The following ENPP2 variants were observed in gnomAD, a reference collection of about 807,000 sequenced individuals.
ENPP2 encodes the protein ectonucleotide pyrophosphatase/phosphodiesterase 2.
A neutral mutation model predicts 120.2 loss-of-function variants in ENPP2; 51 were observed. The ratio of observed to expected loss-of-function variants is 0.42; its 90% confidence interval spans 0.34 to 0.54. The LOEUF is 0.54. Among genes scored for constraint, ENPP2 ranks in the 20% least tolerant of loss-of-function variants. The pLI, the probability that ENPP2 is intolerant of heterozygous loss-of-function variation, is 0.04. For missense variants in ENPP2, 920 were observed against 1,066.5 expected (o/e 0.86, Z 1.91); for synonymous variants, 365 against 366.4 (o/e 1.00, Z 0.04).
At chr8:119,662,507 C>T (rs1185475633) in intron 1 of ENPP2, among the ~76,000 whole-genome samples, 1 of 152,154 alleles carries the variant, frequency 6.6e-6, no homozygotes, top group Admixed American at 6.5e-5. Flanking sequence ...AGGGGTGGGG[C>T]TCAGCAGCAG....
intron 18 of ENPP2, 54 bp from the exon 19 acceptor site, chr8:119,580,221 T>A: frequency 7.1e-7 from 1 of 1,416,116 alleles, no homozygotes; most frequent in Non-Finnish European, 1.0e-6. Flanking sequence ...GAAATGTTCT[T>A]TCCCTCTGTG....
intron 12 of ENPP2, chr8:119,592,972 A>G: frequency 1.0e-6 from 1 of 982,580 alleles, no homozygotes; most frequent in Non-Finnish European, 1.2e-6. Context: ...CATCCTCCGA[A>G]CTCCACTAGA....
chr8:119,598,448 A>G (rs190304612), intron 11 of ENPP2, among the ~76,000 whole-genome samples: 5 of 152,322 alleles, frequency 3.3e-5, no homozygotes, highest in Admixed American at 6.5e-5. Context: ...TATATTTGTG[A>G]GCAACCCTGG....
chr8:119,575,982 C>T (rs1812307083), intron 19 of ENPP2, among the ~76,000 whole-genome samples: 1 of 152,152 alleles, frequency 6.6e-6, no homozygotes, highest in Non-Finnish European at 1.5e-5. Context: ...GGAGTGAATG[C>T]TATCTCCTTC....
At chr8:119,667,616 A>G (rs1428567992) in intron 1 of ENPP2, among the ~76,000 whole-genome samples, 1 of 152,182 alleles carries the variant, frequency 6.6e-6, no homozygotes, top group African/African-American at 2.4e-5. Context: ...TTTTGAATTA[A>G]TCCACTCTTG....
chr8:119,560,334 T>C (rs902733561), intron 24 of ENPP2, among the ~76,000 whole-genome samples: 2 of 152,192 alleles, frequency 1.3e-5, no homozygotes, highest in Non-Finnish European at 2.9e-5. Context: ...TACGGAGGCA[T>C]TACATCCACC....
In ENPP2 at chr8:119,580,187, T is replaced by C; in HGVS notation, c.1729-20A>G. ...CTTGTTCTTCATGTGTGAAAACCAGTAAAGGAAAAAAGAAAGCAAATCAGA... is the reference window on the plus strand; with the variant it reads ...CTTGTTCTTCATGTGTGAAAACCAGCAAAGGAAAAAAGAAAGCAAATCAGA... On this transcript the variant is annotated intron_variant, in intron 18 of 24. Coordinates refer to ENST00000075322, the MANE Select transcript of ENPP2 (RefSeq NM_001040092.3). 1 of 1,603,602 alleles carries C rather than the reference T, an allele frequency of 6.2e-7. No homozygotes were observed. The highest frequency in any genetic ancestry group is 8.5e-7 in the Non-Finnish European group (1 of 1,170,560).
In ENPP2 at chr8:119,564,858, A is replaced by G. The variant is rs770990409; in HGVS notation, c.2229T>C (p.Tyr743=). 1 of 1,613,740 alleles carries G rather than the reference A, an allele frequency of 6.2e-7. No individual in the cohort carries two copies. Among genetic ancestry groups the G allele is most frequent in the East Asian group, 2.2e-5 (1 of 44,854 alleles). ...TGTCTTCTGTGTCATGTAAGCCATC[A>G]TAGTCATAGTCGAAGATTGGTCCAC... The part of the protein sequence containing the change: ...VISGPIFDYD[Y]DGLHDTEDKI... The change falls in exon 23 of 25, where the codon TAT becomes TAC. Residue 743 remains tyrosine (Y), a synonymous_variant. Transcript: ENST00000075322.
At chr8:119,669,596 C>T (rs1818180842) in intron 1 of ENPP2, among the ~76,000 whole-genome samples, 1 of 152,180 alleles carries the variant, frequency 6.6e-6, no homozygotes, top group Non-Finnish European at 1.5e-5. Flanking sequence ...ACTTCACTCT[C>T]CCAAATGTCT....
At chr8:119,630,131 G>A (rs551412523) in intron 2 of ENPP2, among the ~76,000 whole-genome samples, 3 of 150,610 alleles carry the variant, frequency 2.0e-5, no homozygotes, top group African/African-American at 2.4e-5. Flanking sequence ...TTTTTGAGAC[G>A]GAGTTTTGCT....
In ENPP2 at chr8:119,590,966, C is replaced by CA. The variant is rs1164344465; in HGVS notation, c.1082-337dup. 5.0e-5 allele frequency among the ~76,000 whole-genome samples: 6 copies of CA among 121,004 alleles called. No homozygotes were observed. The Admixed American group carries it at 6.0e-4, about 12-fold the overall frequency. 79.4% of individuals were successfully genotyped at this position (121,004 alleles called of 152,430 possible). On this transcript the variant is annotated intron_variant, in intron 12 of 24. Transcript: ENST00000075322. ...CAACAACAACAAACATAACTATTGA[C>CA]AGAGTCTTTATGAAAAAGATCTATT...
chr8:119,669,526 T>C (rs536024402), intron 1 of ENPP2, among the ~76,000 whole-genome samples: 1 of 152,298 alleles, frequency 6.6e-6, no homozygotes, highest in Admixed American at 6.5e-5. Flanking sequence ...GATATTGGGA[T>C]CATCTCAAAA....
chr8:119,628,124 G>C (rs1367611832), intron 2 of ENPP2, among the ~76,000 whole-genome samples: 2 of 152,054 alleles, frequency 1.3e-5, no homozygotes, highest in South Asian at 4.1e-4. Context: ...AGTATATTCT[G>C]AAGTTAAATA....
rs1009527301 is a variant in ENPP2 at position 119,575,316 on chromosome 8, T to C, written c.1781-4475A>G. On this transcript the variant is annotated intron_variant, in intron 19 of 24. Transcript: ENST00000075322. ...AGTTGGGTGCTGGCCGCTGGGTTAT[T>C]TCATGGAGAGTGTATGGGAAAGAAG... Among the ~76,000 whole-genome samples the C allele has an allele frequency of 2.0e-5, 3 of 152,114 alleles. 1 individual carries two copies. In the East Asian group the frequency reaches 5.8e-4, roughly 30 times the overall value.
At chr8:119,583,397 G>A (rs1477615012) in intron 17 of ENPP2, among the ~76,000 whole-genome samples, 1 of 152,216 alleles carries the variant, frequency 6.6e-6, no homozygotes, top group African/African-American at 2.4e-5. Context: ...GATGGAGGTG[G>A]AGGGGACTCT....
intron 19 of ENPP2, among the ~76,000 whole-genome samples, chr8:119,576,116 A>C (rs897271895): frequency 6.6e-6 from 1 of 152,166 alleles, no homozygotes; most frequent in African/African-American, 2.4e-5. Context: ...AAAGTTAACA[A>C]GAATTACTAG....
intron 1 of ENPP2, among the ~76,000 whole-genome samples, chr8:119,669,480 T>C (rs1818176768): frequency 6.6e-6 from 1 of 152,194 alleles, no homozygotes. Context: ...TGAGCCCAGG[T>C]CCTGTGACTC....
intron 2 of ENPP2, among the ~76,000 whole-genome samples, chr8:119,633,882 T>C (rs1816834074): frequency 1.3e-5 from 2 of 151,560 alleles, no homozygotes; most frequent in Admixed American, 6.6e-5. Context: ...TTTCAAAACA[T>C]TTATAAACAC....
intron 22 of ENPP2, 32 bp from the exon 23 acceptor site, chr8:119,564,987 A>G: frequency 6.2e-7 from 1 of 1,601,694 alleles, no homozygotes; most frequent in Non-Finnish European, 8.5e-7. Flanking sequence ...AAAATCAATT[A>G]TTCATGAAGA....
Sources: allele counts gnomAD v4.1 joint callset (sites outside exome capture counted in the v4.1 genomes callset), GRCh38; gene constraint gnomAD v4.1.1; transcripts MANE v1.5; gene names NCBI Gene and HGNC (gene_info 2026-07-23, HGNC 2026-07-21).